BSPRY: variants seen among roughly 807,000 people sequenced by gnomAD.
The protein encoded by BSPRY is B box and SPRY domain-containing protein.
A neutral mutation model predicts 38.0 loss-of-function variants in BSPRY; 33 were observed. The observed-to-expected ratio is 0.87, with a 90% confidence interval of 0.66 to 1.16. The LOEUF is 1.16. Among genes scored for constraint, BSPRY ranks in the 50% most tolerant of loss-of-function variants. The pLI is 0.00. For missense variants in BSPRY, 523 were observed against 533.2 expected (o/e 0.98, Z 0.19); for synonymous variants, 224 against 228.5 (o/e 0.98, Z 0.18).
chr9:113,361,898 G>A (rs927325290), intron 3 of BSPRY, among the ~76,000 whole-genome samples: 7 of 152,228 alleles, frequency 4.6e-5, no homozygotes, highest in African/African-American at 1.7e-4. Context: ...TGGAACACCT[G>A]AGCTGTCCCA....
In BSPRY at chr9:113,362,174, G is replaced by GGTGGGTGTGTGT. The variant is rs368410256; in HGVS notation, c.532-192_532-191insGGTGTGTGTGTG. Among the ~76,000 whole-genome samples, 470 of 141,342 alleles carry GGTGGGTGTGTGT rather than the reference G, an allele frequency of 3.3e-3. 12 individuals carry two copies. The East Asian group carries it at 0.09, about 27-fold the overall frequency. The allele number at this position is 141,342 out of a possible 152,430, so 92.7% of individuals were successfully genotyped here. A position where few individuals can be genotyped will look rare whatever the true frequency, so the allele number is the denominator to read the frequency against. Reference sequence around the variant, plus strand: ...TGATTCATTCTGAGCATGTGTTATGGGTGTGTGTGTGTGTGTGTGTGTGTG... The same window carrying GGTGGGTGTGTGT: ...TGATTCATTCTGAGCATGTGTTATGGGTGGGTGTGTGTGTGTGTGTGTGTGTGTGTGTGTGTG... On this transcript the variant is annotated intron_variant, in intron 3 of 5. Coordinates refer to ENST00000374183, the MANE Select transcript of BSPRY (RefSeq NM_017688.3).
intron 2 of BSPRY, among the ~76,000 whole-genome samples, chr9:113,354,826 G>A (rs1043016829): frequency 3.3e-5 from 5 of 152,104 alleles, no homozygotes; most frequent in African/African-American, 9.7e-5. Flanking sequence ...TCCTAGGCTA[G>A]TGCTCCTTCT....
chr9:113,359,341 A>T (rs539731987), intron 2 of BSPRY, among the ~76,000 whole-genome samples: 1 of 152,324 alleles, frequency 6.6e-6, no homozygotes, highest in East Asian at 1.9e-4. Context: ...TCAAGAGCAC[A>T]CTATAAACTT....
chr9:113,357,700 TTTC>T (rs1834082007), intron 2 of BSPRY, among the ~76,000 whole-genome samples: 2 of 151,712 alleles, frequency 1.3e-5, no homozygotes, highest in Non-Finnish European at 1.5e-5. Context: ...TTTGTCTTAA[TTTC>T]ATTATTATTT....
At chr9:113,365,514 T>G (rs1195709941) in intron 4 of BSPRY, among the ~76,000 whole-genome samples, 1 of 152,230 alleles carries the variant, frequency 6.6e-6, no homozygotes, top group Non-Finnish European at 1.5e-5. Context: ...AGCACTTTCT[T>G]GCTCTCTTTC....
chr9:113,355,003 C>T (rs1834034145), intron 2 of BSPRY, among the ~76,000 whole-genome samples: 1 of 152,166 alleles, frequency 6.6e-6, no homozygotes, highest in Non-Finnish European at 1.5e-5. Flanking sequence ...TTACAGATGC[C>T]TGCCACCATG....
chr9:113,360,904 T>C (rs1475283100), intron 3 of BSPRY, among the ~76,000 whole-genome samples, 167 bp downstream of exon 3: 1 of 152,178 alleles, frequency 6.6e-6, no homozygotes, highest in Non-Finnish European at 1.5e-5. Context: ...TTCTGAGCCT[T>C]CTCCCAGGCC....
At position 113,370,154 on chromosome 9, in the gene BSPRY, A is replaced by G. The variant is rs199943817; in HGVS notation, c.*12A>G. On this transcript the variant is annotated 3_prime_UTR_variant, in exon 6 of 6. Transcript: ENST00000374183. The surrounding 1 kb of genome is among the most constrained non-coding windows in gnomAD (Gnocchi z 4.8). ...CTATCGTCCGCTGACCTCTGGCCAC[A>G]GGAAGCCAGGTCCACCGCCCACCAC... 3.3e-6 allele frequency: 5 copies of G among 1,534,294 alleles called. No homozygotes were observed. In the East Asian group the frequency reaches 1.1e-4, roughly 35 times the overall value.
intron 3 of BSPRY, 51 bp downstream of exon 3, chr9:113,360,788 G>A (rs1361363637): frequency 1.4e-6 from 2 of 1,419,548 alleles, no homozygotes; most frequent in Non-Finnish European, 1.9e-6. Context: ...CTCCCCAAAA[G>A]CCTGAAAATA....
In BSPRY at chr9:113,370,365, A is replaced by C. The variant is rs1023318801; in HGVS notation, c.*223A>C. 2.1e-5 allele frequency: 9 copies of C among 425,904 alleles called. No homozygotes were observed. The highest frequency in any genetic ancestry group is 3.6e-5 in the Non-Finnish European group (9 of 247,866). The allele number at this position is 425,904 out of a possible 1,614,324, so 26.4% of individuals were successfully genotyped here. On this transcript the variant is annotated 3_prime_UTR_variant, in exon 6 of 6. Transcript: ENST00000374183. The surrounding 1 kb of genome is among the most constrained non-coding windows in gnomAD (Gnocchi z 4.8). The stretch of plus-strand genomic sequence containing the variant: ...CTTCCCTGGGCCACATTTGAAGAAG[A>C]ATTTTCTTGGGCCACATAAAATACA...
chr9:113,369,959 C>G lies in BSPRY; in HGVS notation c.1026C>G (p.His342Gln), dbSNP rs375386074. ...QEFRFSHNGQ[H>Q]EPLGLLRGPA... is the part of the protein sequence containing the mutation. ...TTCGTTTCTCACACAATGGGCAGCA[C>G]GAGCCCCTGGGGCTGCTGCGGGGCC... is the stretch of plus-strand genomic sequence containing the variant. Residue 342 changes from histidine (H) to glutamine (Q), a missense_variant, in exon 6 of 6, where the codon CAC becomes CAG. Transcript: ENST00000374183. 6.2e-7 allele frequency: 1 copy of G among 1,614,140 alleles called. No individual in the cohort carries two copies.
intron 3 of BSPRY, among the ~76,000 whole-genome samples, chr9:113,361,426 A>G (rs1834150812): frequency 6.6e-6 from 1 of 152,216 alleles, no homozygotes; most frequent in African/African-American, 2.4e-5. Context: ...GCACTGTGCT[A>G]TGGGGCAGAG....
At chr9:113,350,797 A>G (rs1273046101) in intron 1 of BSPRY, among the ~76,000 whole-genome samples, 4 of 152,136 alleles carry the variant, frequency 2.6e-5, no homozygotes, top group South Asian at 2.1e-4. Context: ...TGTTACCTCT[A>G]TCAACAATAA....
chr9:113,354,889 G>A (rs1251100482), intron 2 of BSPRY, among the ~76,000 whole-genome samples: 1 of 151,856 alleles, frequency 6.6e-6, no homozygotes, highest in Non-Finnish European at 1.5e-5. Context: ...TTTGAGATGG[G>A]GCCTCACTCT....
intron 3 of BSPRY, among the ~76,000 whole-genome samples, chr9:113,362,016 C>A (rs1834160962): frequency 6.6e-6 from 1 of 152,184 alleles, no homozygotes; most frequent in Non-Finnish European, 1.5e-5. Flanking sequence ...GGGACAGTCA[C>A]AATAGAAGAC....
At chr9:113,364,482 C>G (rs1834212179) in intron 4 of BSPRY, among the ~76,000 whole-genome samples, 1 of 152,038 alleles carries the variant, frequency 6.6e-6, no homozygotes, top group African/African-American at 2.4e-5. Flanking sequence ...TAATATCAAG[C>G]TGATCTGATT....
Position 113,369,928 on chromosome 9 carries a change from AG to A in BSPRY, c.997del (p.Glu333SerfsTer24). On this transcript the variant is annotated frameshift_variant, in exon 6 of 6. Transcript: ENST00000374183. LOFTEE classifies it high-confidence loss of function. ...AFSWVFSRYDQEFRFSHNGQH... is the reference protein window; with the variant it reads ...AFSWVFSRYDXEFRFSHNGQH... ...TCCTGGGTCTTCTCTCGCTATGATC[AG>A]GAGTTTCGTTTCTCACACAATGGGC... 2 of 1,614,196 alleles carry A rather than the reference AG, an allele frequency of 1.2e-6. No individual in the cohort carries two copies. Among genetic ancestry groups the A allele is most frequent in the Non-Finnish European group, 1.7e-6 (2 of 1,180,024 alleles).
chr9:113,370,021 A>C lies in BSPRY; in HGVS notation c.1088A>C (p.Gln363Pro). ...GGTGTAGTGCTGGACTTGCAGGTTC[A>C]GGAGCTGCTCTTCTATGAGCCAGCC... is the stretch of plus-strand genomic sequence containing the variant. Reference protein sequence around the residue: ...QLGVVLDLQVQELLFYEPASG... With the variant: ...QLGVVLDLQVPELLFYEPASG... Residue 363 changes from glutamine (Q) to proline (P), a missense_variant, in exon 6 of 6, where the codon CAG (glutamine) becomes CCG (proline). Gln to Pro is a moderately conservative substitution (Grantham distance 76, BLOSUM62 -1). Transcript: ENST00000374183. This position sits in a 1 kb window ranked among gnomAD's most constrained non-coding sequence, Gnocchi z 4.8. 10 of 1,614,150 alleles carry C rather than the reference A, an allele frequency of 6.2e-6. No homozygotes were observed. Among genetic ancestry groups the C allele is most frequent in the Non-Finnish European group, 8.5e-6 (10 of 1,180,026 alleles).
At chr9:113,364,084 G>A (rs944156498) in intron 4 of BSPRY, among the ~76,000 whole-genome samples, 5 of 151,934 alleles carry the variant, frequency 3.3e-5, no homozygotes, top group African/African-American at 9.7e-5. Flanking sequence ...TACTGGGGAA[G>A]CTGAGGCAAG....
Sources: allele counts gnomAD v4.1 joint callset (sites outside exome capture counted in the v4.1 genomes callset), GRCh38; gene constraint gnomAD v4.1.1; non-coding constraint Gnocchi (gnomAD v3.1); transcripts MANE v1.5; gene names NCBI Gene and HGNC (gene_info 2026-07-23, HGNC 2026-07-21).